Variants in BACE2 observed in about 807,000 individuals in gnomAD.
BACE2 encodes 56 kDa aspartic-like protease.
In BACE2, 17 loss-of-function variants were observed where a neutral mutation model predicts 46.2. The ratio of observed to expected loss-of-function variants is 0.37; its 90% CI spans 0.25 to 0.55. The LOEUF (loss-of-function observed/expected upper bound fraction) is 0.55. Among genes scored for constraint, BACE2 ranks in the 20% least tolerant of loss-of-function variants. The probability of loss-of-function intolerance (pLI) is 0.82; values close to 1 mark genes in which losing one functional copy is unlikely to be tolerated. For missense variants in BACE2, 595 were observed against 698.1 expected (o/e 0.85, Z 1.66); for synonymous variants, 277 against 295.9 (o/e 0.94, Z 0.66).
Position 41,168,257 on chromosome 21 carries a change from C to G in BACE2, c.-7C>G. On this transcript the variant is annotated 5_prime_UTR_variant, in exon 1 of 9. Transcript: ENST00000330333. Reference sequence around the variant, plus strand: ...GCTGGGCGCGCCCCCCGGGCCCCGCCGTGGGCATGGGCGCACTGGCCCGGG... The same window carrying G: ...GCTGGGCGCGCCCCCCGGGCCCCGCGGTGGGCATGGGCGCACTGGCCCGGG... 2 of 1,173,712 alleles carry G rather than the reference C, an allele frequency of 1.7e-6. No homozygotes were observed. Among genetic ancestry groups the G allele is most frequent in the East Asian group, 3.9e-5 (1 of 25,884 alleles). 72.7% of individuals were successfully genotyped at this position (1,173,712 alleles called of 1,614,324 possible).
At chr21:41,231,245 T>C (rs1601290838) in intron 2 of BACE2, among the ~76,000 whole-genome samples, 1 of 152,230 alleles carries the variant, frequency 6.6e-6, no homozygotes, top group East Asian at 1.9e-4. Flanking sequence ...ATTGAGGATG[T>C]TGATGAACCG....
At chr21:41,191,451 T>C (rs7279846) in intron 1 of BACE2, among the ~76,000 whole-genome samples, 37,372 of 152,144 alleles carry the variant, frequency 0.25, 7,113 homozygotes, top group African/African-American at 0.54. Context: ...AGAAGCATTG[T>C]GTGCAGGATA....
intron 2 of BACE2, among the ~76,000 whole-genome samples, chr21:41,231,686 T>C (rs1250477382): frequency 6.6e-6 from 1 of 152,232 alleles, no homozygotes; most frequent in African/African-American, 2.4e-5. Flanking sequence ...AAAGTGTTTT[T>C]ATTACTGTGA....
intron 1 of BACE2, among the ~76,000 whole-genome samples, chr21:41,204,379 T>A (rs2123534356): frequency 6.6e-6 from 1 of 152,176 alleles, no homozygotes; most frequent in South Asian, 2.1e-4. Context: ...GGAGATATGA[T>A]GTCCCATGTA....
intron 1 of BACE2, chr21:41,184,219 T>C (rs1985270935): frequency 6.0e-6 from 1 of 167,052 alleles, no homozygotes; most frequent in South Asian, 2.1e-4. Context: ...TTAGTATATT[T>C]CCTGAGTGCT....
At chr21:41,176,212 G>A (rs1011251411) in intron 1 of BACE2, 8 of 152,168 alleles carry the variant, frequency 5.3e-5, no homozygotes, top group African/African-American at 1.9e-4. Flanking sequence ...AGCTTTGTGT[G>A]GGTGCAACAC....
At chr21:41,242,688 TTC>T (rs368797876) in intron 4 of BACE2, among the ~76,000 whole-genome samples, 100 of 152,326 alleles carry the variant, frequency 6.6e-4, no homozygotes, top group African/African-American at 2.3e-3. Context: ...TGATCTTCTG[TTC>T]TCTGACCTCC....
chr21:41,168,364 G>A lies in BACE2; in HGVS notation c.101G>A (p.Arg34Gln). The part of the protein sequence containing the change: ...LAPAPFTLPL[R>Q]VAAATNRVVA... Reference sequence around the variant, plus strand: ...CCCGCGCCCTTCACGCTGCCCCTCCGGGTGGCCGCGGCCACGAACCGCGTA... The same window carrying A: ...CCCGCGCCCTTCACGCTGCCCCTCCAGGTGGCCGCGGCCACGAACCGCGTA... Residue 34 changes from arginine (R) to glutamine (Q), a missense_variant, in exon 1 of 9, where the codon CGG becomes CAG. Physicochemically the swap from Arg to Gln is conservative, Grantham distance 43. Coordinates refer to ENST00000330333, the MANE Select transcript of BACE2 (RefSeq NM_012105.5). 1 of 1,392,268 alleles carries A rather than the reference G, an allele frequency of 7.2e-7. No individual in the cohort carries two copies. The highest frequency in any genetic ancestry group is 9.4e-7 in the Non-Finnish European group (1 of 1,069,362). The allele number at this position is 1,392,268 out of a possible 1,614,324, so 86.2% of individuals were successfully genotyped here. A position where few individuals can be genotyped will look rare whatever the true frequency, so the allele number is the denominator to read the frequency against.
chr21:41,207,192 T>C (rs1986154114), intron 1 of BACE2, among the ~76,000 whole-genome samples: 1 of 152,178 alleles, frequency 6.6e-6, no homozygotes. Flanking sequence ...TCCTAAAATT[T>C]TGGGAAATGC....
intron 7 of BACE2, 74 bp downstream of exon 7, chr21:41,250,975 T>G: frequency 1.5e-6 from 2 of 1,358,436 alleles, no homozygotes; most frequent in Non-Finnish European, 2.1e-6. Flanking sequence ...ACACGTGTAT[T>G]AGATGTCACA....
rs1191697170 is a variant in BACE2, at chr21:41,168,267, G to C, written c.4G>C (p.Gly2Arg). MGALARALLLPL... is the reference protein window; with the variant it reads MRALARALLLPL... ...CCCCCCGGGCCCCGCCGTGGGCATGGGCGCACTGGCCCGGGCGCTGCTGCT... is the reference window on the plus strand; with the variant it reads ...CCCCCCGGGCCCCGCCGTGGGCATGCGCGCACTGGCCCGGGCGCTGCTGCT... The change falls in exon 1 of 9, where the codon GGC becomes CGC. Residue 2 changes from glycine (G) to arginine (R), a missense_variant. Gly to Arg is a moderately radical substitution (Grantham distance 125). Transcript: ENST00000330333. 2.2e-5 allele frequency: 26 copies of C among 1,193,806 alleles called. No individual in the cohort carries two copies. Among genetic ancestry groups the C allele is most frequent in the Non-Finnish European group, 2.7e-5 (26 of 965,298 alleles). 74.0% of individuals were successfully genotyped at this position (1,193,806 alleles called of 1,614,324 possible).
rs1458350033 is a variant in BACE2 at position 41,281,042 on chromosome 21, T to G, written c.*5418T>G. ...AGCCTCGGGTACTTCTTGGACACTA[T>G]TGTGAGAGCAGCCATCCTGGTGTCT... On this transcript the variant is annotated 3_prime_UTR_variant, in exon 9 of 9. Coordinates refer to ENST00000330333, the MANE Select transcript of BACE2 (RefSeq NM_012105.5). 1 of 152,204 alleles carries G rather than the reference T, an allele frequency of 6.6e-6. No homozygotes were observed. The highest frequency in any genetic ancestry group is 1.5e-5 in the Non-Finnish European group (1 of 68,056). The allele number at this position is 152,204 out of a possible 1,614,324, so 9.4% of individuals were successfully genotyped here. A position where few individuals can be genotyped will look rare whatever the true frequency, so the allele number is the denominator to read the frequency against.
chr21:41,245,982 C>T lies in BACE2; in HGVS notation c.903C>T (p.Ile301=), dbSNP rs147444345. 7.0e-5 allele frequency: 113 copies of T among 1,610,766 alleles called. No individual in the cohort carries two copies. Among genetic ancestry groups the T allele is most frequent in the East Asian group, 2.5e-4 (11 of 44,782 alleles). Residue 301 remains isoleucine, a synonymous_variant, in exon 6 of 9, where the codon ATC becomes ATT. Coordinates refer to ENST00000330333, the MANE Select transcript of BACE2 (RefSeq NM_012105.5). ...TCAAGTATAACGCAGACAAGGCCAT[C>T]GTGGACAGTGGCACCACGCTGCTGC... ...DCREYNADKA[I]VDSGTTLLRL...
chr21:41,171,312 A>C (rs192381038), intron 1 of BACE2, among the ~76,000 whole-genome samples: 43 of 152,368 alleles, frequency 2.8e-4, no homozygotes, highest in Admixed American at 9.8e-4. Context: ...GAGGTTCAAC[A>C]GGAACCAGAG....
chr21:41,182,841 CTCTT>C (rs1195710972), intron 1 of BACE2: 2 of 167,174 alleles, frequency 1.2e-5, no homozygotes, highest in African/African-American at 4.8e-5. Context: ...TATAAAATTA[CTCTT>C]TCTTTATATC....
At chr21:41,173,560 A>G (rs190442980) in intron 1 of BACE2, among the ~76,000 whole-genome samples, 325 of 152,292 alleles carry the variant, frequency 2.1e-3, no homozygotes, top group African/African-American at 7.3e-3. Context: ...AGCCTGGTCA[A>G]CATGGTGAAA....
intron 1 of BACE2, among the ~76,000 whole-genome samples, chr21:41,215,211 G>T (rs6517658): frequency 1.3e-5 from 2 of 152,172 alleles, no homozygotes; most frequent in Non-Finnish European, 2.9e-5. Flanking sequence ...ATGCTTGACC[G>T]CAAAGGGGGA....
At chr21:41,213,368 G>T (rs1986356482) in intron 1 of BACE2, among the ~76,000 whole-genome samples, 1 of 152,234 alleles carries the variant, frequency 6.6e-6, no homozygotes, top group Non-Finnish European at 1.5e-5. Flanking sequence ...AACAGCCTTT[G>T]TACGGTTTAT....
At chr21:41,269,771 T>G (rs1250663626) in intron 8 of BACE2, among the ~76,000 whole-genome samples, 1 of 152,252 alleles carries the variant, frequency 6.6e-6, no homozygotes, top group Non-Finnish European at 1.5e-5. Context: ...TTGGGTTTTT[T>G]GGCAATTATA....
Sources: gnomAD v4.1 joint callset for allele counts (sites outside exome capture counted in the v4.1 genomes callset) on GRCh38, gnomAD v4.1.1 for gene constraint, MANE v1.5 for transcripts, NCBI Gene and HGNC (gene_info 2026-07-23, HGNC 2026-07-21) for gene names.